Variants in MRPL13 observed in about 807,000 individuals in gnomAD.
MRPL13 encodes the protein mitochondrial ribosomal protein L13.
A neutral mutation model predicts 29.0 loss-of-function variants in MRPL13; 33 were observed. The observed-to-expected ratio is 1.14, with a 90% confidence interval of 0.86 to 1.52. The LOEUF (loss-of-function observed/expected upper bound fraction) is 1.52. MRPL13 is among the 40% of genes most tolerant of loss of function. MRPL13 has a pLI of 0.00. For synonymous variants in MRPL13, 77 were observed against 68.4 expected (o/e 1.13, Z -0.62); for missense variants, 227 against 216.7 (o/e 1.05, Z -0.30).
intron 5 of MRPL13, among the ~76,000 whole-genome samples, chr8:120,416,489 G>A (rs905337226): frequency 1.6e-4 from 24 of 152,038 alleles, no homozygotes; most frequent in Non-Finnish European, 2.4e-4. Flanking sequence ...GCGAGACTCC[G>A]TCTCAAAATA....
chr8:120,444,965 C>T, intron 1 of MRPL13, 103 bp downstream of exon 1: 1 of 1,527,170 alleles, frequency 6.5e-7, no homozygotes, highest in South Asian at 1.1e-5. Context: ...CCGAGGGTCT[C>T]GGCTTCCCTG....
intron 3 of MRPL13, among the ~76,000 whole-genome samples, chr8:120,429,878 T>C (rs1812978639): frequency 6.6e-6 from 1 of 152,188 alleles, no homozygotes; most frequent in African/African-American, 2.4e-5. Flanking sequence ...ATAATGTAAA[T>C]GCTATGTAAA....
At chr8:120,427,637 T>C (rs2130475255) in intron 3 of MRPL13, among the ~76,000 whole-genome samples, 1 of 152,140 alleles carries the variant, frequency 6.6e-6, no homozygotes, top group South Asian at 2.1e-4. Context: ...GAAAGATCTC[T>C]ATAATGAGAA....
intron 1 of MRPL13, 106 bp from the exon 2 acceptor site, chr8:120,443,414 C>T (rs1279527656): frequency 3.9e-6 from 4 of 1,027,968 alleles, no homozygotes; most frequent in Non-Finnish European, 3.9e-6. Context: ...CACGTTTCTA[C>T]AATTAATGTC....
chr8:120,409,928 C>G (rs938012050), intron 6 of MRPL13, among the ~76,000 whole-genome samples: 2 of 151,890 alleles, frequency 1.3e-5, no homozygotes, highest in African/African-American at 4.8e-5. Flanking sequence ...TGAAACTAGG[C>G]CTGAAAGAAT....
intron 6 of MRPL13, among the ~76,000 whole-genome samples, chr8:120,406,363 C>A (rs1168023460): frequency 6.6e-6 from 1 of 152,132 alleles, no homozygotes; most frequent in Non-Finnish European, 1.5e-5. Context: ...AAACCCAAAA[C>A]ATGAATTTAT....
chr8:120,403,796 CA>C (rs1812632791), intron 6 of MRPL13, among the ~76,000 whole-genome samples: 1 of 152,110 alleles, frequency 6.6e-6, no homozygotes. Context: ...TGAATACTCA[CA>C]GGATACCCCA....
In MRPL13 at chr8:120,418,575, C is replaced by T. The variant is rs191041682; in HGVS notation, c.393+1277G>A. ...TACCAATTCACTTTTGGGAACTAGG[C>T]TCATTTATTTTATAGTCTGAAATGA... On this transcript the variant is annotated intron_variant, in intron 5 of 6. Transcript: ENST00000306185. Among the ~76,000 whole-genome samples the T allele has an allele frequency of 2.6e-5, 4 of 152,114 alleles. No individual in the cohort carries two copies. The East Asian group carries it at 7.7e-4, about 29-fold the overall frequency.
intron 2 of MRPL13, among the ~76,000 whole-genome samples, chr8:120,434,361 C>T (rs1813029228): frequency 6.6e-6 from 1 of 152,114 alleles, no homozygotes; most frequent in Non-Finnish European, 1.5e-5. Context: ...TCACAACTAT[C>T]TTATTAGGTA....
intron 6 of MRPL13, among the ~76,000 whole-genome samples, chr8:120,399,438 CAAAT>C (rs1376213282): frequency 6.6e-6 from 1 of 152,096 alleles, no homozygotes; most frequent in Non-Finnish European, 1.5e-5. Flanking sequence ...TTCAGACAAA[CAAAT>C]ACTGAGGGAA....
At chr8:120,399,198 T>G (rs1177238773) in intron 6 of MRPL13, among the ~76,000 whole-genome samples, 1 of 152,102 alleles carries the variant, frequency 6.6e-6, no homozygotes. Flanking sequence ...AATCTTCAGA[T>G]TCTCCAAGGT....
chr8:120,432,488 A>G (rs530872738), intron 2 of MRPL13, among the ~76,000 whole-genome samples: 1 of 152,260 alleles, frequency 6.6e-6, no homozygotes, highest in South Asian at 2.1e-4. Context: ...AATGTCTGAT[A>G]CAAAATTTCC....
chr8:120,425,445 A>G, intron 3 of MRPL13, 79 bp from the exon 4 acceptor site: 4 of 965,516 alleles, frequency 4.1e-6, no homozygotes, highest in Non-Finnish European at 6.2e-6. Context: ...TTTATAAGAA[A>G]ACTATTTTAA....
intron 3 of MRPL13, among the ~76,000 whole-genome samples, chr8:120,430,250 A>G (rs973468392): frequency 4.6e-5 from 7 of 152,184 alleles, no homozygotes; most frequent in Admixed American, 3.9e-4. Context: ...TGACAGAGCA[A>G]GACTTCATCT....
At chr8:120,428,125 A>T in intron 3 of MRPL13, among the ~76,000 whole-genome samples, 1 of 30,632 alleles carries the variant, frequency 3.3e-5, no homozygotes, top group South Asian at 1.8e-3. Flanking sequence ...CATGGTACTG[A>T]TAAAAAAAAA....
chr8:120,424,339 T>C (rs1445452695), intron 4 of MRPL13, among the ~76,000 whole-genome samples: 1 of 151,816 alleles, frequency 6.6e-6, no homozygotes. Flanking sequence ...AAAAAATAAA[T>C]AAAACATAAA....
chr8:120,413,634 T>A (rs1341466524), intron 6 of MRPL13, among the ~76,000 whole-genome samples: 2 of 152,324 alleles, frequency 1.3e-5, no homozygotes, highest in Non-Finnish European at 2.9e-5. Context: ...TAATGACTTT[T>A]CATTAGATAA....
intron 3 of MRPL13, among the ~76,000 whole-genome samples, chr8:120,431,250 T>C (rs1586926316): frequency 6.6e-6 from 1 of 152,296 alleles, no homozygotes; most frequent in East Asian, 1.9e-4. Flanking sequence ...ATAACATTTC[T>C]AACCATAACT....
intron 2 of MRPL13, among the ~76,000 whole-genome samples, chr8:120,437,798 TGTTA>T (rs1264615830): frequency 2.0e-5 from 3 of 152,314 alleles, no homozygotes; most frequent in African/African-American, 7.2e-5. Context: ...GTACATTATT[TGTTA>T]ATTTTTACAA....
Sources: allele counts gnomAD v4.1 joint callset (sites outside exome capture counted in the v4.1 genomes callset), GRCh38; gene constraint gnomAD v4.1.1; transcripts MANE v1.5; gene names NCBI Gene and HGNC (gene_info 2026-07-23, HGNC 2026-07-21).